AKR1C8: variants seen among roughly 807,000 people sequenced by gnomAD.
AKR1C8 encodes the protein aldo-keto reductase family 1 member C8, also known as aldo-keto reductase family 1 member C-like protein 1.
chr10:5,170,805 T>C, the AKR1C8 span, among the ~76,000 whole-genome samples: 1 of 152,154 alleles, frequency 6.6e-6, no homozygotes, highest in Non-Finnish European at 1.5e-5. Context: ...TTGTGTCCTG[T>C]TACAAAACAA....
At chr10:5,161,705 T>A in the AKR1C8 span, 1 of 533,828 alleles carries the variant, frequency 1.9e-6, no homozygotes, top group Non-Finnish European at 3.8e-6. Flanking sequence ...TTGTGAAAGA[T>A]ACTCACGAAA....
At chr10:5,142,416 T>C in the AKR1C8 span, among the ~76,000 whole-genome samples, 1 of 152,152 alleles carries the variant, frequency 6.6e-6, no homozygotes, top group Non-Finnish European at 1.5e-5. Context: ...ACTTGGCTAA[T>C]AATTAACACA....
the AKR1C8 span, among the ~76,000 whole-genome samples, chr10:5,128,022 G>C: frequency 3.3e-5 from 5 of 152,184 alleles, no homozygotes; most frequent in South Asian, 1.0e-3. Context: ...AATCCTAAGA[G>C]AGGTGAGAAA....
At chr10:5,135,939 A>G in the AKR1C8 span, among the ~76,000 whole-genome samples, 1 of 152,166 alleles carries the variant, frequency 6.6e-6, no homozygotes, top group African/African-American at 2.4e-5. Context: ...TGATGTTGTA[A>G]TCCTGACAAG....
the AKR1C8 span, among the ~76,000 whole-genome samples, chr10:5,137,581 G>A: frequency 6.6e-6 from 1 of 151,998 alleles, no homozygotes; most frequent in Non-Finnish European, 1.5e-5. Flanking sequence ...AATAAACTAG[G>A]TAATAAGAGC....
At chr10:5,117,436 G>A in the AKR1C8 span, among the ~76,000 whole-genome samples, 1 of 152,102 alleles carries the variant, frequency 6.6e-6, no homozygotes, top group South Asian at 2.1e-4. Flanking sequence ...GGGTAGGATT[G>A]ATACCCTCCA....
At chr10:5,157,538 C>T in the AKR1C8 span, 2 of 381,644 alleles carry the variant, frequency 5.2e-6, no homozygotes, top group Non-Finnish European at 1.1e-5. Flanking sequence ...GTGGAGAGCA[C>T]AGGAATGAAT....
chr10:5,124,577 A>C, the AKR1C8 span, among the ~76,000 whole-genome samples: 2 of 152,204 alleles, frequency 1.3e-5, no homozygotes, highest in Non-Finnish European at 1.5e-5. Flanking sequence ...ACAATAATAA[A>C]ATAATAACAC....
chr10:5,163,830 C>T, the AKR1C8 span, among the ~76,000 whole-genome samples: 2 of 152,112 alleles, frequency 1.3e-5, no homozygotes, highest in African/African-American at 4.8e-5. Context: ...ACAAGACTCA[C>T]CACAGATATG....
At chr10:5,181,950 G>C in the AKR1C8 span, among the ~76,000 whole-genome samples, 3 of 151,986 alleles carry the variant, frequency 2.0e-5, no homozygotes, top group Non-Finnish European at 4.4e-5. Context: ...AAACTAAAAT[G>C]TTTATAAATA....
At chr10:5,141,499 C>G in the AKR1C8 span, among the ~76,000 whole-genome samples, 2 of 152,060 alleles carry the variant, frequency 1.3e-5, no homozygotes, top group Non-Finnish European at 2.9e-5. Context: ...TTTACTTTTC[C>G]TAGATTCATC....
the AKR1C8 span, among the ~76,000 whole-genome samples, chr10:5,125,864 G>A: frequency 6.6e-6 from 1 of 152,168 alleles, no homozygotes; most frequent in Non-Finnish European, 1.5e-5. Flanking sequence ...CTAGCCCAGA[G>A]TTGGGCAACC....
At chr10:5,144,215 T>G in the AKR1C8 span, among the ~76,000 whole-genome samples, 7 of 152,144 alleles carry the variant, frequency 4.6e-5, no homozygotes, top group African/African-American at 1.7e-4. Context: ...AGGGCTCTGT[T>G]CTGTTCCATT....
the AKR1C8 span, among the ~76,000 whole-genome samples, chr10:5,165,820 C>G: frequency 6.6e-6 from 1 of 152,070 alleles, no homozygotes; most frequent in African/African-American, 2.4e-5. Context: ...CAATGTCTCC[C>G]AGACACCTAG....
chr10:5,160,825 C>T, the AKR1C8 span: 1 of 471,116 alleles, frequency 2.1e-6, no homozygotes, highest in Non-Finnish European at 4.4e-6. Flanking sequence ...CCAAGTGTCA[C>T]AAAGCTCCAC....
chr10:5,122,082 T>C, the AKR1C8 span: 99 of 298,588 alleles, frequency 3.3e-4, no homozygotes, highest in African/African-American at 2.7e-3. Flanking sequence ...CTGCATCACT[T>C]AAAATTGTAA....
the AKR1C8 span, among the ~76,000 whole-genome samples, chr10:5,137,747 G>A: frequency 1.3e-5 from 2 of 152,120 alleles, no homozygotes; most frequent in South Asian, 2.1e-4. Flanking sequence ...GAGAAATAAA[G>A]AGAGACAGTA....
chr10:5,158,569 C>G, the AKR1C8 span: 1 of 434,410 alleles, frequency 2.3e-6, no homozygotes, highest in African/African-American at 2.1e-5. Context: ...AGAATTCCCG[C>G]CATAGGTTAA....
chr10:5,134,331 T>A, the AKR1C8 span, among the ~76,000 whole-genome samples: 1 of 152,196 alleles, frequency 6.6e-6, no homozygotes, highest in Non-Finnish European at 1.5e-5. Flanking sequence ...ATTCTTACAA[T>A]GTACAGTTGA....
Sources: allele counts gnomAD v4.1 joint callset (sites outside exome capture counted in the v4.1 genomes callset), GRCh38; gene constraint gnomAD v4.1.1; transcripts MANE v1.5; gene names NCBI Gene and HGNC (gene_info 2026-07-23, HGNC 2026-07-21).